Variants in FAM53B observed in about 807,000 individuals in gnomAD.
FAM53B encodes family with sequence similarity 53 member B, also known as protein FAM53B.
In FAM53B, 12 loss-of-function variants were observed where a neutral mutation model predicts 32.7. That is an observed-to-expected ratio of 0.37 (90% CI 0.24 to 0.59). The LOEUF (loss-of-function observed/expected upper bound fraction) is 0.59. Ranked by LOEUF, FAM53B falls within the 20% of genes least tolerant of loss-of-function variation. The pLI is 0.72. For synonymous variants in FAM53B, 234 were observed against 228.7 expected, an observed-to-expected ratio of 1.02 and a Z score of -0.21; for missense variants, 477 against 577.7, an observed-to-expected ratio of 0.83 and a Z score of 1.79.
At chr10:124,740,016 C>G (rs1365740350) in intron 1 of FAM53B, among the ~76,000 whole-genome samples, 1 of 152,110 alleles carries the variant, frequency 6.6e-6, no homozygotes, top group African/African-American at 2.4e-5. Context: ...TTCAGAAAAG[C>G]TCAAGTATCT....
intron 4 of FAM53B, among the ~76,000 whole-genome samples, chr10:124,645,442 C>T (rs973419964): frequency 1.3e-5 from 2 of 152,292 alleles, no homozygotes; most frequent in South Asian, 2.1e-4. Context: ...GATGGGCCCA[C>T]GCCGGCAGCA....
At chr10:124,734,877 C>G (rs1950164568) in intron 1 of FAM53B, among the ~76,000 whole-genome samples, 1 of 152,356 alleles carries the variant, frequency 6.6e-6, no homozygotes, top group African/African-American at 2.4e-5. Context: ...GAGGCCTGCA[C>G]CAACAGAAGC....
intron 4 of FAM53B, chr10:124,667,563 C>A: frequency 1.5e-6 from 1 of 653,842 alleles, no homozygotes; most frequent in South Asian, 1.7e-5. Context: ...ATCCACAGGG[C>A]TGAGGAGGAC....
intron 4 of FAM53B, among the ~76,000 whole-genome samples, chr10:124,680,033 C>T (rs1949759653): frequency 6.6e-6 from 1 of 152,208 alleles, no homozygotes; most frequent in African/African-American, 2.4e-5. Context: ...TCAGAAGTCA[C>T]CCAAATCTGT....
At chr10:124,653,382 G>A (rs900420862) in intron 4 of FAM53B, among the ~76,000 whole-genome samples, 13 of 152,198 alleles carry the variant, frequency 8.5e-5, no homozygotes, top group African/African-American at 1.9e-4. Flanking sequence ...AAGGGCTCTG[G>A]CGTGGGGACC....
chr10:124,706,914 G>C, intron 1 of FAM53B, 27 bp from the exon 2 acceptor site: 2 of 1,428,040 alleles, frequency 1.4e-6, no homozygotes, highest in Non-Finnish European at 9.1e-7. Context: ...AAAGCAAAAA[G>C]ATTCAGGACT....
chr10:124,659,193 C>T (rs1396904899), intron 4 of FAM53B, among the ~76,000 whole-genome samples: 2 of 152,170 alleles, frequency 1.3e-5, no homozygotes, highest in Middle Eastern at 3.2e-3. Flanking sequence ...GCTAAACTAC[C>T]CTTTGGAGAA....
intron 4 of FAM53B, among the ~76,000 whole-genome samples, chr10:124,670,001 C>T (rs919664900): frequency 1.3e-5 from 2 of 152,062 alleles, no homozygotes; most frequent in African/African-American, 4.8e-5. Flanking sequence ...AGGGAGGACG[C>T]CCTGCAAACA....
chr10:124,688,610 G>GAACA (rs1001042475), intron 3 of FAM53B, among the ~76,000 whole-genome samples: 2 of 152,188 alleles, frequency 1.3e-5, no homozygotes, highest in African/African-American at 4.8e-5. Flanking sequence ...ATGCCACAAA[G>GAACA]AACAGGAGAA....
chr10:124,631,616 G>A (rs976611311), intron 4 of FAM53B, among the ~76,000 whole-genome samples: 5 of 152,152 alleles, frequency 3.3e-5, no homozygotes, highest in African/African-American at 4.8e-5. Flanking sequence ...GCCAGAGCCC[G>A]GCCACCACTC....
intron 1 of FAM53B, among the ~76,000 whole-genome samples, chr10:124,717,431 T>C (rs1208871150): frequency 6.6e-6 from 1 of 152,250 alleles, no homozygotes; most frequent in African/African-American, 2.4e-5. Flanking sequence ...ATGATGCCTG[T>C]CCTGGAACAA....
intron 3 of FAM53B, among the ~76,000 whole-genome samples, chr10:124,694,469 C>T (rs577080245): frequency 6.6e-5 from 10 of 152,264 alleles, no homozygotes; most frequent in Non-Finnish European, 1.5e-5. Context: ...ATCACAAACC[C>T]ACCAGACTTC....
chr10:124,698,787 C>G (rs370312066), intron 2 of FAM53B, among the ~76,000 whole-genome samples: 1 of 152,270 alleles, frequency 6.6e-6, no homozygotes, highest in Admixed American at 6.5e-5. Flanking sequence ...CCATCCAGAA[C>G]CCAGAGCCAT....
intron 3 of FAM53B, among the ~76,000 whole-genome samples, chr10:124,688,928 C>T (rs1392190155): frequency 6.6e-6 from 1 of 152,184 alleles, no homozygotes; most frequent in Non-Finnish European, 1.5e-5. Context: ...GCTATGTTTT[C>T]GATGGTGCCT....
intron 3 of FAM53B, among the ~76,000 whole-genome samples, chr10:124,689,330 T>G (rs1049155742): frequency 6.6e-6 from 1 of 152,196 alleles, no homozygotes; most frequent in Non-Finnish European, 1.5e-5. Context: ...CATCTGTTTT[T>G]AAATGGACTT....
chr10:124,652,276 T>C (rs1266292013), intron 4 of FAM53B, among the ~76,000 whole-genome samples: 1 of 152,190 alleles, frequency 6.6e-6, no homozygotes, highest in African/African-American at 2.4e-5. Context: ...AGCCAGGGTC[T>C]TACCATGTGC....
intron 3 of FAM53B, among the ~76,000 whole-genome samples, chr10:124,685,592 C>T (rs552834348): frequency 2.0e-5 from 3 of 152,358 alleles, no homozygotes; most frequent in African/African-American, 4.8e-5. Context: ...CTACAGACTG[C>T]GTCTCCGCCA....
chr10:124,659,788 C>T (rs1322115145), intron 4 of FAM53B, among the ~76,000 whole-genome samples: 1 of 152,242 alleles, frequency 6.6e-6, no homozygotes, highest in African/African-American at 2.4e-5. Context: ...TTCTGGGTCC[C>T]AGGCCAGAGT....
intron 2 of FAM53B, among the ~76,000 whole-genome samples, chr10:124,704,698 T>A (rs190270526): frequency 6.6e-6 from 1 of 152,210 alleles, no homozygotes; most frequent in African/African-American, 2.4e-5. Context: ...CAAGAATATA[T>A]GGGGCCATGT....
Sources: gnomAD v4.1 joint callset for allele counts (sites outside exome capture counted in the v4.1 genomes callset) on GRCh38, gnomAD v4.1.1 for gene constraint, MANE v1.5 for transcripts, NCBI Gene and HGNC (gene_info 2026-07-23, HGNC 2026-07-21) for gene names.